Variants in NACC2 observed in about 807,000 individuals in gnomAD.
NACC2 encodes the protein nucleus accumbens-associated protein 2.
Under a neutral mutation model 25.1 loss-of-function variants are expected in NACC2, and 8 were observed. That is an observed-to-expected ratio of 0.32 (90% CI 0.19 to 0.57). The LOEUF (loss-of-function observed/expected upper bound fraction) is 0.57, where lower values mean the gene tolerates loss of function less well. NACC2 is among the 20% of genes least tolerant of loss of function. The probability of loss-of-function intolerance (pLI) is 0.89; values close to 1 mark genes in which losing one functional copy is unlikely to be tolerated. For synonymous variants in NACC2, 435 were observed against 294.7 expected, an observed-to-expected ratio of 1.48 and a Z score of -4.88; for missense variants, 644 against 650.2, an observed-to-expected ratio of 0.99 and a Z score of 0.10.
At chr9:136,024,119 AGGGTG>A (rs1840338420) in intron 2 of NACC2, among the ~76,000 whole-genome samples, 1 of 140,256 alleles carries the variant, frequency 7.1e-6, no homozygotes, top group African/African-American at 2.8e-5. Flanking sequence ...GTGAGGACAG[AGGGTG>A]CGTGTGAGGA....
At chr9:136,036,244 A>C (rs911481633) in intron 2 of NACC2, among the ~76,000 whole-genome samples, 1 of 152,250 alleles carries the variant, frequency 6.6e-6, no homozygotes, top group African/African-American at 2.4e-5. Context: ...GAATGTGCCC[A>C]ACGTCATGAC....
intron 2 of NACC2, among the ~76,000 whole-genome samples, chr9:136,030,031 C>T (rs577037757): frequency 1.3e-5 from 2 of 152,316 alleles, no homozygotes; most frequent in Admixed American, 1.3e-4. Context: ...ACACACACTG[C>T]ACCTGCTTAA....
intron 1 of NACC2, among the ~76,000 whole-genome samples, chr9:136,062,464 C>T (rs1251935021): frequency 6.6e-6 from 1 of 152,206 alleles, no homozygotes; most frequent in African/African-American, 2.4e-5. Context: ...TAGACCTTGT[C>T]TAGCAAGATC....
At chr9:136,082,103 G>C (rs75386418) in intron 1 of NACC2, among the ~76,000 whole-genome samples, 8 of 152,094 alleles carry the variant, frequency 5.3e-5, no homozygotes, top group Non-Finnish European at 1.0e-4. Flanking sequence ...ACCTGAACAC[G>C]ACCTGCCGGG....
intron 5 of NACC2, among the ~76,000 whole-genome samples, chr9:136,012,795 G>A (rs1271611149): frequency 6.6e-6 from 1 of 152,162 alleles, no homozygotes; most frequent in African/African-American, 2.4e-5. Flanking sequence ...GGCGCGGGCC[G>A]GGGGCGGCGG....
At chr9:136,075,579 G>C (rs553333788) in intron 1 of NACC2, among the ~76,000 whole-genome samples, 1 of 152,222 alleles carries the variant, frequency 6.6e-6, no homozygotes, top group African/African-American at 2.4e-5. Context: ...TTCTTTTATC[G>C]GGCATAGGCC....
At chr9:136,078,976 G>A (rs533043073) in intron 1 of NACC2, among the ~76,000 whole-genome samples, 52 of 152,230 alleles carry the variant, frequency 3.4e-4, no homozygotes, top group Non-Finnish European at 5.6e-4. Context: ...CCGCGCCGCC[G>A]CCGCCCCTCT....
intron 2 of NACC2, among the ~76,000 whole-genome samples, chr9:136,024,522 TGTGTGTGTGTGGACAGTGTGTGTGA>T (rs1349912222): frequency 1.4e-5 from 2 of 144,934 alleles, no homozygotes; most frequent in East Asian, 4.3e-4. Context: ...TGTGTGTGTG[TGTGTGTGTGTGGACAGTGTGTGTGA>T]GGACAGTGTG....
At chr9:136,082,314 C>T (rs1028804982) in intron 1 of NACC2, among the ~76,000 whole-genome samples, 4 of 152,230 alleles carry the variant, frequency 2.6e-5, no homozygotes, top group South Asian at 4.1e-4. Context: ...GAGGCCACCC[C>T]AAGGCCAAGT....
chr9:136,088,955 A>G (rs1349052396), intron 1 of NACC2, among the ~76,000 whole-genome samples: 1 of 152,266 alleles, frequency 6.6e-6, no homozygotes, highest in African/African-American at 2.4e-5. Context: ...AGCCTCTGAT[A>G]ATGATCTCGG....
intron 1 of NACC2, among the ~76,000 whole-genome samples, chr9:136,073,137 G>C (rs1235059709): frequency 1.3e-5 from 2 of 152,056 alleles, no homozygotes; most frequent in Non-Finnish European, 2.9e-5. Flanking sequence ...GCTACATAAA[G>C]AATTAATTGG....
At chr9:136,051,535 G>A (rs1442348016) in intron 1 of NACC2, among the ~76,000 whole-genome samples, 1 of 152,126 alleles carries the variant, frequency 6.6e-6, no homozygotes, top group East Asian at 1.9e-4. Flanking sequence ...CGGCCCAGAA[G>A]GCGCCAGCCC....
chr9:136,051,878 G>A lies in NACC2; in HGVS notation c.-59-1298C>T, dbSNP rs1001731197. Reference sequence around the variant, plus strand: ...CGGGGAGGGCGCAGGGAGCCGGCAAGGAGGAGGAGGAGGAGGAGGAGGAGG... The same window carrying A: ...CGGGGAGGGCGCAGGGAGCCGGCAAAGAGGAGGAGGAGGAGGAGGAGGAGG... On this transcript the variant is annotated intron_variant, in intron 1 of 5. Coordinates refer to ENST00000277554, the MANE Select transcript of NACC2 (RefSeq NM_144653.5). Among the ~76,000 whole-genome samples, 3 of 105,332 alleles carry A rather than the reference G, an allele frequency of 2.8e-5. No individual in the cohort carries two copies. The Admixed American group carries it at 2.9e-4, about 10-fold the overall frequency. The allele number at this position is 105,332 out of a possible 152,430, so 69.1% of individuals were successfully genotyped here. A position where few individuals can be genotyped will look rare whatever the true frequency, so the allele number is the denominator to read the frequency against.
In NACC2 at chr9:136,011,768, G is replaced by A. The variant is rs1588554532; in HGVS notation, c.1512C>T (p.Ala504=). The change falls in exon 6 of 6, where the codon GCC becomes GCT. Residue 504 remains alanine, a synonymous_variant. Transcript: ENST00000277554. ...CGTCAGTTCTCAGAGCCACGATGGTGGCGGCGTCGCCCCGCCGCTCGGCGT... is the reference window on the plus strand; with the variant it reads ...CGTCAGTTCTCAGAGCCACGATGGTAGCGGCGTCGCCCCGCCGCTCGGCGT... ...RIYAERRGDA[A]TIVALRTDAV... 6.5e-7 allele frequency: 1 copy of A among 1,535,978 alleles called. No homozygotes were observed. Among genetic ancestry groups the A allele is most frequent in the South Asian group, 1.2e-5 (1 of 82,758 alleles).
chr9:136,034,893 G>T (rs1840529768), intron 2 of NACC2, among the ~76,000 whole-genome samples: 1 of 152,036 alleles, frequency 6.6e-6, no homozygotes, highest in African/African-American at 2.4e-5. Flanking sequence ...CAGGAGTTTA[G>T]GATCAGCCTG....
At chr9:136,094,845 C>G (rs1830471940) in intron 1 of NACC2, among the ~76,000 whole-genome samples, 1 of 151,598 alleles carries the variant, frequency 6.6e-6, no homozygotes, top group African/African-American at 2.4e-5. Context: ...CCCCAGAAAT[C>G]CAGGGAAACC....
chr9:136,026,951 G>A (rs958808102), intron 2 of NACC2, among the ~76,000 whole-genome samples: 1 of 152,188 alleles, frequency 6.6e-6, no homozygotes, highest in Non-Finnish European at 1.5e-5. Context: ...TTTGTTGGCC[G>A]GGTGCAGTAG....
In NACC2 at chr9:136,087,803, G is replaced by A. The variant is rs866188156; in HGVS notation, c.-60+7386C>T. On this transcript the variant is annotated intron_variant, in intron 1 of 5. Coordinates refer to ENST00000277554, the MANE Select transcript of NACC2 (RefSeq NM_144653.5). ...GCTGAGGACAGCCCAGGACGGCACC[G>A]GCAAGATCCCCAACGAGGCCCCAAG... 5.3e-5 allele frequency among the ~76,000 whole-genome samples: 8 copies of A among 152,300 alleles called. No individual in the cohort carries two copies. In the East Asian group the frequency reaches 5.8e-4, roughly 11 times the overall value.
rs939164665 is a variant in NACC2 at position 136,086,256 on chromosome 9, C to T, written c.-60+8933G>A. On this transcript the variant is annotated intron_variant, in intron 1 of 5. Coordinates refer to ENST00000277554, the MANE Select transcript of NACC2 (RefSeq NM_144653.5). The surrounding 1 kb of genome is among the most constrained non-coding windows in gnomAD (Gnocchi z 5.6). ...CCTTCCTGTGAGAGAACCCTCACAC[C>T]GTGCAGCTGGGGACAGGACGAAGGG... Among the ~76,000 whole-genome samples, 4 of 152,230 alleles carry T rather than the reference C, an allele frequency of 2.6e-5. No homozygotes were observed. The highest frequency in any genetic ancestry group is 4.8e-5 in the African/African-American group (2 of 41,456).
Sources: allele counts gnomAD v4.1 joint callset (sites outside exome capture counted in the v4.1 genomes callset), GRCh38; gene constraint gnomAD v4.1.1; non-coding constraint Gnocchi (gnomAD v3.1); transcripts MANE v1.5; gene names NCBI Gene and HGNC (gene_info 2026-07-23, HGNC 2026-07-21).